CACNA1A: variants seen among roughly 807,000 people sequenced by gnomAD.
CACNA1A encodes calcium voltage-gated channel subunit alpha1 A.
In CACNA1A, 57 loss-of-function variants were observed where a neutral mutation model predicts 262.4. That is an observed-to-expected ratio of 0.22 (90% confidence interval 0.18 to 0.27). The LOEUF (loss-of-function observed/expected upper bound fraction) is 0.27. Ranked by LOEUF, CACNA1A falls within the 10% of genes least tolerant of loss-of-function variation. The pLI is 1.00. For synonymous variants in CACNA1A, 1,431 were observed against 1,419.3 expected, an observed-to-expected ratio of 1.01 and a Z score of -0.18; for missense variants, 2,526 against 3,562.8, an observed-to-expected ratio of 0.71 and a Z score of 7.41.
At chr19:13,330,463 T>A (rs1228903829) in intron 9 of CACNA1A, 130 bp from the exon 10 acceptor site, 14 of 718,928 alleles carry the variant, frequency 1.9e-5, no homozygotes, top group Admixed American at 1.8e-4. Flanking sequence ...AGTATACCCA[T>A]TTTTCAGATG....
intron 6 of CACNA1A, among the ~76,000 whole-genome samples, chr19:13,352,912 A>G (rs1007359402): frequency 6.6e-6 from 1 of 151,974 alleles, no homozygotes; most frequent in African/African-American, 2.4e-5. Context: ...AGCTGGGATT[A>G]CAGGCGCCCG....
chr19:13,474,374 A>G (rs886470602), intron 1 of CACNA1A, among the ~76,000 whole-genome samples: 3 of 152,366 alleles, frequency 2.0e-5, no homozygotes, highest in African/African-American at 7.2e-5. Context: ...ACTATGGCCG[A>G]TTCCCATAAG....
At chr19:13,357,696 A>G (rs1266671961) in intron 6 of CACNA1A, among the ~76,000 whole-genome samples, 1 of 152,166 alleles carries the variant, frequency 6.6e-6, no homozygotes, top group Non-Finnish European at 1.5e-5. Context: ...ACACCTAAAT[A>G]TCTATCAAAA....
intron 28 of CACNA1A, among the ~76,000 whole-genome samples, chr19:13,255,672 CCCTCCCTCCTTCCTTCCTT>C (rs1568466108): frequency 7.4e-6 from 1 of 135,212 alleles, no homozygotes; most frequent in East Asian, 2.3e-4. Context: ...CTCCCTCGCT[CCCTCCCTCCTTCCTTCCTT>C]CCTCCCTCCT....
chr19:13,211,749 T>C, intron 43 of CACNA1A: 1 of 282,874 alleles, frequency 3.5e-6, no homozygotes, highest in South Asian at 4.9e-5. Context: ...GTGATCTTCG[T>C]GGCAGGTCTC....
intron 6 of CACNA1A, among the ~76,000 whole-genome samples, chr19:13,351,296 T>C (rs2058903767): frequency 6.6e-6 from 1 of 152,238 alleles, no homozygotes; most frequent in South Asian, 2.1e-4. Context: ...TGCCTGTTTT[T>C]CATTTATCTT....
chr19:13,435,344 A>C (rs897223474), intron 3 of CACNA1A, among the ~76,000 whole-genome samples: 3 of 151,082 alleles, frequency 2.0e-5, no homozygotes, highest in Admixed American at 1.3e-4. Flanking sequence ...TCACACTCCC[A>C]ATCTGCCCAA....
chr19:13,497,566 ATATATATAT>A, intron 1 of CACNA1A, among the ~76,000 whole-genome samples: 1 of 36,956 alleles, frequency 2.7e-5, no homozygotes, highest in South Asian at 1.4e-3. Flanking sequence ...ATATATATAT[ATATATATAT>A]ATATAAATTT....
chr19:13,506,098 C>G lies in CACNA1A; in HGVS notation c.127G>C (p.Gly43Arg). Residue 43 changes from glycine (G) to arginine (R), a missense_variant, in exon 1 of 47, where the codon GGG becomes CGG. Physicochemically the swap from Gly to Arg is moderately radical, Grantham distance 125. Coordinates refer to ENST00000360228, the MANE Select transcript of CACNA1A (RefSeq NM_001127222.2). ...AGGSRQGGQPGAQRMYKQSMA... is the reference protein window; with the variant it reads ...AGGSRQGGQPRAQRMYKQSMA... ...GACTGCTTGTACATCCTTTGCGCCC[C>G]GGGCTGCCCGCCCTGCCGGCTGCCC... 6.2e-7 allele frequency: 1 copy of G among 1,613,106 alleles called. No homozygotes were observed. The highest frequency in any genetic ancestry group is 8.5e-7 in the Non-Finnish European group (1 of 1,179,598).
In CACNA1A at chr19:13,417,445, A is replaced by G. The variant is rs555643682; in HGVS notation, c.539+35431T>C. Reference sequence around the variant, plus strand: ...GCTGGCTCCCCAGATAGAACAATCCACCCAGAGCCCATTCTGTAGGTAGTG... The same window carrying G: ...GCTGGCTCCCCAGATAGAACAATCCGCCCAGAGCCCATTCTGTAGGTAGTG... On this transcript the variant is annotated intron_variant, in intron 3 of 46. Transcript: ENST00000360228. Among the ~76,000 whole-genome samples, 11 of 152,088 alleles carry G rather than the reference A, an allele frequency of 7.2e-5. 1 individual carries two copies. The highest frequency in any genetic ancestry group is 2.2e-4 in the African/African-American group (9 of 41,512).
intron 4 of CACNA1A, among the ~76,000 whole-genome samples, chr19:13,368,515 T>C (rs1490227134): frequency 1.3e-5 from 2 of 152,148 alleles, no homozygotes; most frequent in African/African-American, 2.4e-5. Context: ...CATTTTTTTC[T>C]TGAGGCTATT....
At chr19:13,338,359 T>C (rs1456910251) in intron 6 of CACNA1A, among the ~76,000 whole-genome samples, 7 of 152,240 alleles carry the variant, frequency 4.6e-5, no homozygotes, top group Non-Finnish European at 8.8e-5. Context: ...TATAACTGTA[T>C]GTACCTTTGC....
intron 23 of CACNA1A, 81 bp from the exon 24 acceptor site, chr19:13,276,037 G>A (rs914059125): frequency 7.6e-5 from 66 of 872,212 alleles, no homozygotes; most frequent in Admixed American, 4.7e-4. Context: ...CTAGCCTCTC[G>A]GGGAGAGGCA....
rs1363100722 is a variant in CACNA1A at position 13,227,543 on chromosome 19, A to G, written c.5529-16T>C. ...CATGCGGCCCCTGGCAGCACCGAAA[A>G]TGAAAAAAACAAAAACAAAAACAAA... On this transcript the variant is annotated splice_polypyrimidine_tract_variant and intron_variant, in intron 36 of 46. Transcript: ENST00000360228. 6.6e-7 allele frequency: 1 copy of G among 1,522,112 alleles called. No homozygotes were observed. The highest frequency in any genetic ancestry group is 2.3e-5 in the East Asian group (1 of 43,226). The allele number at this position is 1,522,112 out of a possible 1,614,324, so 94.3% of individuals were successfully genotyped here.
intron 24 of CACNA1A, chr19:13,271,222 T>TTG (rs1568481389): frequency 7.2e-6 from 1 of 139,244 alleles, no homozygotes; most frequent in Admixed American, 7.1e-5. Flanking sequence ...CTGTTTTTTT[T>TTG]TTTTTTTTTT....
intron 1 of CACNA1A, among the ~76,000 whole-genome samples, chr19:13,462,835 C>T (rs2061149569): frequency 6.6e-6 from 1 of 152,178 alleles, no homozygotes; most frequent in South Asian, 2.1e-4. Flanking sequence ...TCACAGCTCA[C>T]TGTAGCCTTG....
intron 1 of CACNA1A, among the ~76,000 whole-genome samples, chr19:13,497,697 C>A (rs987517221): frequency 1.3e-5 from 2 of 148,992 alleles, no homozygotes; most frequent in Admixed American, 1.3e-4. Flanking sequence ...GAGCCATGAT[C>A]ATGCCACTGC....
intron 19 of CACNA1A, among the ~76,000 whole-genome samples, chr19:13,292,723 C>T (rs1013760856): frequency 1.3e-5 from 2 of 152,122 alleles, no homozygotes; most frequent in African/African-American, 4.8e-5. Flanking sequence ...GGCAGACCTC[C>T]GAAGGCCACT....
intron 3 of CACNA1A, among the ~76,000 whole-genome samples, chr19:13,416,620 C>G (rs900160886): frequency 1.3e-5 from 2 of 151,962 alleles, no homozygotes; most frequent in Non-Finnish European, 2.9e-5. Flanking sequence ...TCGAGACAAG[C>G]CTGGCCGACA....
Sources: gnomAD v4.1 joint callset for allele counts (sites outside exome capture counted in the v4.1 genomes callset) on GRCh38, gnomAD v4.1.1 for gene constraint, MANE v1.5 for transcripts, NCBI Gene and HGNC (gene_info 2026-07-23, HGNC 2026-07-21) for gene names.